SPAG16: variants seen among roughly 807,000 people sequenced by gnomAD.
SPAG16 encodes the protein sperm-associated antigen 16 protein.
Under a neutral mutation model 80.4 loss-of-function variants are expected in SPAG16, and 86 were observed. That is an observed-to-expected ratio of 1.07 (90% CI 0.90 to 1.28). SPAG16 has a LOEUF of 1.28. Ranked by LOEUF, SPAG16 falls within the 50% of genes most tolerant of loss-of-function variation. The pLI, the probability that SPAG16 is intolerant of heterozygous loss-of-function variation, is 0.00. For synonymous variants in SPAG16, 294 were observed against 265.9 expected (o/e 1.11, Z -1.03); for missense variants, 870 against 765.3 (o/e 1.14, Z -1.61).
chr2:214,139,666 T>C (rs977668177), intron 14 of SPAG16, among the ~76,000 whole-genome samples: 1 of 152,168 alleles, frequency 6.6e-6, no homozygotes, highest in African/African-American at 2.4e-5. Flanking sequence ...TTGGATTAAT[T>C]CTGAGCACTG....
chr2:213,867,409 A>G (rs1376410035), intron 11 of SPAG16, among the ~76,000 whole-genome samples: 2 of 152,248 alleles, frequency 1.3e-5, no homozygotes, highest in Non-Finnish European at 2.9e-5. Context: ...GGTAGAGGTC[A>G]TACGAGTGGC....
rs1431946327 is a variant in SPAG16 at position 213,340,160 on chromosome 2, C to T, written c.537-3C>T. On this transcript the variant is annotated splice_polypyrimidine_tract_variant and splice_region_variant and intron_variant, in intron 5 of 15. Coordinates refer to ENST00000331683, the MANE Select transcript of SPAG16 (RefSeq NM_024532.5). ...ATTTATAAAGTTACTATTTTTTTTT[C>T]AGCAAAGCTAGAGAAGATTTGCTGA... 6 of 1,578,238 alleles carry T rather than the reference C, an allele frequency of 3.8e-6. No homozygotes were observed. Among genetic ancestry groups the T allele is most frequent in the South Asian group, 1.2e-5 (1 of 86,686 alleles).
At chr2:213,888,256 C>T (rs1284382460) in intron 11 of SPAG16, among the ~76,000 whole-genome samples, 1 of 151,644 alleles carries the variant, frequency 6.6e-6, no homozygotes, top group Non-Finnish European at 1.5e-5. Flanking sequence ...ATTTTATTTT[C>T]TGACAAAGCT....
chr2:214,011,097 C>A lies in SPAG16; in HGVS notation c.1401-2854C>A, dbSNP rs1471093575. 1.7e-4 allele frequency among the ~76,000 whole-genome samples: 24 copies of A among 142,224 alleles called. 2 individuals carry two copies. The highest frequency in any genetic ancestry group is 1.6e-3 in the Admixed American group (24 of 14,766). 93.3% of individuals were successfully genotyped at this position (142,224 alleles called of 152,430 possible). A position where few individuals can be genotyped will look rare whatever the true frequency, so the allele number is the denominator to read the frequency against. ...AATTTCATATAATTTAATAATTTAC[C>A]ATTTTAATATAATAGGAATAAAATT... On this transcript the variant is annotated intron_variant, in intron 12 of 15. Coordinates refer to ENST00000331683, the MANE Select transcript of SPAG16 (RefSeq NM_024532.5).
chr2:214,229,651 T>G (rs1019509590), intron 15 of SPAG16, among the ~76,000 whole-genome samples: 12 of 151,722 alleles, frequency 7.9e-5, no homozygotes, highest in African/African-American at 2.9e-4. Flanking sequence ...AAAACTATAA[T>G]TTGGAAGATT....
chr2:214,042,788 ATT>A (rs2049107836), intron 13 of SPAG16, among the ~76,000 whole-genome samples: 1 of 152,134 alleles, frequency 6.6e-6, no homozygotes, highest in African/African-American at 2.4e-5. Flanking sequence ...TCTCCTGCAA[ATT>A]TATCTACCCA....
chr2:214,371,305 G>T (rs1699797805), intron 15 of SPAG16, among the ~76,000 whole-genome samples: 1 of 152,040 alleles, frequency 6.6e-6, no homozygotes, highest in African/African-American at 2.4e-5. Flanking sequence ...GGCCGAGGCG[G>T]GCAGATCACA....
At chr2:214,392,784 T>C (rs1159974492) in intron 15 of SPAG16, among the ~76,000 whole-genome samples, 2 of 151,832 alleles carry the variant, frequency 1.3e-5, no homozygotes, top group Non-Finnish European at 2.9e-5. Context: ...AATACTTCCA[T>C]AGAAATGTGT....
chr2:213,379,791 T>G (rs1411602641), intron 9 of SPAG16, among the ~76,000 whole-genome samples: 1 of 152,144 alleles, frequency 6.6e-6, no homozygotes, highest in South Asian at 2.1e-4. Context: ...CATAACCAGG[T>G]CAGCCATGGT....
chr2:213,312,474 A>G (rs1333413101), intron 4 of SPAG16, among the ~76,000 whole-genome samples: 1 of 151,506 alleles, frequency 6.6e-6, no homozygotes, highest in Admixed American at 6.6e-5. Flanking sequence ...TGTCAGAACT[A>G]CTCACCCTAA....
intron 9 of SPAG16, among the ~76,000 whole-genome samples, chr2:213,391,685 A>G (rs1469090861): frequency 6.6e-6 from 1 of 152,222 alleles, no homozygotes. Context: ...AAGGGAAGAT[A>G]AAAGATCTCT....
At chr2:213,465,256 C>T (rs2072614049) in intron 9 of SPAG16, among the ~76,000 whole-genome samples, 1 of 152,156 alleles carries the variant, frequency 6.6e-6, no homozygotes, top group Non-Finnish European at 1.5e-5. Context: ...ATGTTAACTG[C>T]TTTCCCTTTG....
At chr2:213,816,831 C>A (rs1411126998) in intron 10 of SPAG16, among the ~76,000 whole-genome samples, 7 of 151,942 alleles carry the variant, frequency 4.6e-5, no homozygotes, top group Non-Finnish European at 8.8e-5. Flanking sequence ...TATCACTGAA[C>A]TTACAGTGAA....
intron 10 of SPAG16, among the ~76,000 whole-genome samples, chr2:213,498,724 C>T (rs188089938): frequency 1.3e-5 from 2 of 152,240 alleles, no homozygotes; most frequent in East Asian, 3.9e-4. Flanking sequence ...CACCAACTTT[C>T]TCCCATTTTA....
chr2:213,508,994 CT>C (rs756050432), intron 10 of SPAG16, among the ~76,000 whole-genome samples: 25 of 149,952 alleles, frequency 1.7e-4, no homozygotes, highest in Non-Finnish European at 3.4e-4. Flanking sequence ...ATTTTCTTTT[CT>C]TTTCTTTTCT....
chr2:213,446,094 G>A (rs1298454792), intron 9 of SPAG16, among the ~76,000 whole-genome samples: 2 of 152,122 alleles, frequency 1.3e-5, no homozygotes, highest in African/African-American at 2.4e-5. Context: ...CAGAAAGGCC[G>A]ATTCCAAAGA....
chr2:214,122,547 G>A (rs570164977), intron 14 of SPAG16, among the ~76,000 whole-genome samples: 67 of 151,910 alleles, frequency 4.4e-4, no homozygotes, highest in African/African-American at 1.6e-3. Flanking sequence ...CAAACAGCAA[G>A]CACTCAATAT....
At chr2:214,323,130 G>C (rs1696220006) in intron 15 of SPAG16, among the ~76,000 whole-genome samples, 2 of 152,088 alleles carry the variant, frequency 1.3e-5, no homozygotes, top group Non-Finnish European at 2.9e-5. Context: ...GAGGATGGCT[G>C]TTGATATTGC....
At chr2:213,863,287 T>G (rs1275305694) in intron 11 of SPAG16, among the ~76,000 whole-genome samples, 1 of 152,196 alleles carries the variant, frequency 6.6e-6, no homozygotes. Flanking sequence ...TAAAACTCTC[T>G]GGCCTGATTA....
Sources: allele counts gnomAD v4.1 joint callset (sites outside exome capture counted in the v4.1 genomes callset), GRCh38; gene constraint gnomAD v4.1.1; transcripts MANE v1.5; gene names NCBI Gene and HGNC (gene_info 2026-07-23, HGNC 2026-07-21).